SMARCC1: variants seen among roughly 807,000 people sequenced by gnomAD.
The protein encoded by SMARCC1 is SWI/SNF complex subunit SMARCC1.
Under a neutral mutation model 147.4 loss-of-function variants are expected in SMARCC1, and 43 were observed. The ratio of observed to expected loss-of-function variants is 0.29; its 90% CI spans 0.23 to 0.38. The LOEUF is 0.38. Ranked by LOEUF, SMARCC1 falls within the 10% of genes least tolerant of loss-of-function variation. The pLI is 1.00. For missense variants in SMARCC1, 1,119 were observed against 1,381.1 expected (o/e 0.81, Z 3.01); for synonymous variants, 495 against 484.4 (o/e 1.02, Z -0.29).
At chr3:47,631,211 G>A (rs1049006843) in intron 24 of SMARCC1, among the ~76,000 whole-genome samples, 2 of 152,186 alleles carry the variant, frequency 1.3e-5, no homozygotes, top group South Asian at 2.1e-4. Flanking sequence ...CAAGTTATGA[G>A]ACATTTCTAG....
chr3:47,646,432 G>A (rs540653765), intron 21 of SMARCC1, among the ~76,000 whole-genome samples: 88 of 152,240 alleles, frequency 5.8e-4, no homozygotes, highest in African/African-American at 2.1e-3. Context: ...TGTCTGCAGC[G>A]TTAAAAGAGG....
intron 6 of SMARCC1, among the ~76,000 whole-genome samples, chr3:47,725,065 CACG>C (rs922220990): frequency 2.9e-5 from 4 of 136,300 alleles, no homozygotes; most frequent in African/African-American, 5.3e-5. Flanking sequence ...AAATCTATTG[CACG>C]ACAAGATGTT....
At chr3:47,709,405 G>A (rs1309774242) in intron 9 of SMARCC1, among the ~76,000 whole-genome samples, 4 of 152,132 alleles carry the variant, frequency 2.6e-5, no homozygotes, top group African/African-American at 7.2e-5. Flanking sequence ...AGTAAAACAG[G>A]TCAGGCGCGG....
Position 47,610,343 on chromosome 3 carries a change from G to A in SMARCC1, c.2782-16C>T, listed in dbSNP as rs773681499. The A allele has an allele frequency of 1.9e-6, 3 of 1,613,812 alleles. No individual in the cohort carries two copies. Among genetic ancestry groups the A allele is most frequent in the Admixed American group, 1.7e-5 (1 of 60,004 alleles). ...GTTGTTCTAGCTGTAAGCAAAGGAA[G>A]TGGAAGAGAAATGACACCAGAAGAG... On this transcript the variant is annotated splice_polypyrimidine_tract_variant and intron_variant, in intron 25 of 27. Coordinates refer to ENST00000254480, the MANE Select transcript of SMARCC1 (RefSeq NM_003074.4).
chr3:47,679,347 A>G (rs2106759869), intron 15 of SMARCC1, among the ~76,000 whole-genome samples: 1 of 152,304 alleles, frequency 6.6e-6, no homozygotes, highest in South Asian at 2.1e-4. Context: ...CCAGGGAAAG[A>G]CAAAAAGTAC....
chr3:47,769,998 G>C (rs1389740490), intron 2 of SMARCC1, among the ~76,000 whole-genome samples: 1 of 151,954 alleles, frequency 6.6e-6, no homozygotes, highest in South Asian at 2.1e-4. Context: ...GGCCGAGGCA[G>C]GCAGATCACG....
intron 6 of SMARCC1, among the ~76,000 whole-genome samples, chr3:47,722,324 T>C (rs1469631938): frequency 2.4e-5 from 3 of 125,554 alleles, no homozygotes; most frequent in African/African-American, 8.8e-5. Flanking sequence ...TGAGACAGAG[T>C]TTCACTCTTG....
intron 2 of SMARCC1, among the ~76,000 whole-genome samples, chr3:47,763,653 G>A (rs1400394773): frequency 1.3e-5 from 2 of 150,270 alleles, no homozygotes; most frequent in Non-Finnish European, 3.0e-5. Context: ...TTTTTTTTAA[G>A]AAAAAAAATA....
intron 1 of SMARCC1, among the ~76,000 whole-genome samples, chr3:47,780,283 T>C (rs1290511889): frequency 1.4e-5 from 2 of 145,580 alleles, no homozygotes; most frequent in African/African-American, 2.5e-5. Context: ...GAGATTCTCC[T>C]GCCTCAGCCT....
chr3:47,728,972 T>C, intron 6 of SMARCC1, 53 bp downstream of exon 6: 2 of 1,120,456 alleles, frequency 1.8e-6, no homozygotes, highest in Middle Eastern at 2.1e-4. Flanking sequence ...TGACATAAAA[T>C]CCATTTGGTA....
Position 47,675,471 on chromosome 3 carries a change from T to C in SMARCC1, c.1839+4A>G. ...TGCAGCCCATGTGTGATTAGAAAAA[T>C]TACCTTTGCTAATGTTTTCTTGGAG... On this transcript the variant is annotated splice_donor_region_variant and intron_variant, in intron 18 of 27. Transcript: ENST00000254480. 1 of 1,495,456 alleles carries C rather than the reference T, an allele frequency of 6.7e-7. No individual in the cohort carries two copies. Among genetic ancestry groups the C allele is most frequent in the Non-Finnish European group, 9.3e-7 (1 of 1,072,202 alleles). The allele number at this position is 1,495,456 out of a possible 1,614,324, so 92.6% of individuals were successfully genotyped here.
At chr3:47,758,758 G>A (rs987062773) in intron 2 of SMARCC1, among the ~76,000 whole-genome samples, 3 of 152,132 alleles carry the variant, frequency 2.0e-5, no homozygotes, top group East Asian at 3.9e-4. Context: ...GTGTTGGCCG[G>A]GCGCGGTGGC....
intron 6 of SMARCC1, among the ~76,000 whole-genome samples, chr3:47,728,458 T>C (rs867009949): frequency 6.6e-6 from 1 of 152,202 alleles, no homozygotes; most frequent in Non-Finnish European, 1.5e-5. Context: ...TCATTAATTT[T>C]TGCTTTTATT....
At chr3:47,720,514 T>C in intron 7 of SMARCC1, 152 bp downstream of exon 7, 1 of 617,256 alleles carries the variant, frequency 1.6e-6, no homozygotes, top group Non-Finnish European at 2.8e-6. Flanking sequence ...GTACCTTAAA[T>C]AAGAAAACAG....
intron 7 of SMARCC1, among the ~76,000 whole-genome samples, chr3:47,719,508 C>G (rs2034204183): frequency 6.6e-6 from 1 of 151,862 alleles, no homozygotes; most frequent in South Asian, 2.1e-4. Flanking sequence ...CAAGACCAGC[C>G]TGACCAGCAT....
intron 19 of SMARCC1, among the ~76,000 whole-genome samples, chr3:47,665,743 A>C (rs185194026): frequency 1.8e-4 from 27 of 152,284 alleles, no homozygotes; most frequent in Non-Finnish European, 1.3e-4. Flanking sequence ...TGATTCAATG[A>C]AAGTTTTTAG....
intron 2 of SMARCC1, among the ~76,000 whole-genome samples, chr3:47,754,075 G>A (rs956227970): frequency 6.6e-6 from 1 of 152,066 alleles, no homozygotes; most frequent in Non-Finnish European, 1.5e-5. Context: ...CTAATGATAG[G>A]TCACTGCTAC....
At position 47,722,388 on chromosome 3, in the gene SMARCC1, C is replaced by T. The variant is rs982370510; in HGVS notation, c.647-1653G>A. On this transcript the variant is annotated intron_variant, in intron 6 of 27. Coordinates refer to ENST00000254480, the MANE Select transcript of SMARCC1 (RefSeq NM_003074.4). ...TCTCGGCTCACCACAACCTCTGCCT[C>T]CCGGGTTCAAGTGATTTTCCTGCCT... is the stretch of plus-strand genomic sequence containing the variant. Among the ~76,000 whole-genome samples the T allele has an allele frequency of 4.0e-5, 6 of 150,420 alleles. No homozygotes were observed. In the East Asian group the frequency reaches 1.2e-3, roughly 29 times the overall value.
At chr3:47,697,673 C>G (rs1030595145) in intron 11 of SMARCC1, among the ~76,000 whole-genome samples, 2 of 150,794 alleles carry the variant, frequency 1.3e-5, no homozygotes, top group African/African-American at 4.9e-5. Flanking sequence ...ATAACCATGA[C>G]AGCAAAACCT....
Sources: allele counts gnomAD v4.1 joint callset (sites outside exome capture counted in the v4.1 genomes callset), GRCh38; gene constraint gnomAD v4.1.1; transcripts MANE v1.5; gene names NCBI Gene and HGNC (gene_info 2026-07-23, HGNC 2026-07-21).